DYNLRB2: variants seen among roughly 807,000 people sequenced by gnomAD.
The protein encoded by DYNLRB2 is bithoraxoid-like protein.
A neutral mutation model predicts 12.6 loss-of-function variants in DYNLRB2; 14 were observed. The observed-to-expected ratio is 1.11, with a 90% confidence interval of 0.73 to 1.73. The LOEUF (loss-of-function observed/expected upper bound fraction) is 1.73, where lower values mean the gene tolerates loss of function less well. DYNLRB2 is among the 40% of genes most tolerant of loss of function. The probability of loss-of-function intolerance (pLI) is 0.00; values close to 1 mark genes in which losing one functional copy is unlikely to be tolerated. For missense variants in DYNLRB2, 142 were observed against 117.7 expected (o/e 1.21, Z -0.95); for synonymous variants, 53 against 37.0 (o/e 1.43, Z -1.57).
At chr16:80,545,048 T>C (rs1425660163) in intron 2 of DYNLRB2, among the ~76,000 whole-genome samples, 2 of 152,148 alleles carry the variant, frequency 1.3e-5, no homozygotes, top group African/African-American at 4.8e-5. Context: ...TTGGGGGGTC[T>C]AGGGGGACAC....
intron 2 of DYNLRB2, among the ~76,000 whole-genome samples, chr16:80,546,251 A>G (rs1350718382): frequency 6.6e-6 from 1 of 152,236 alleles, no homozygotes. Context: ...TGAAAGCATC[A>G]TTTATTTCAG....
chr16:80,547,791 A>G, intron 2 of DYNLRB2: 3 of 456,698 alleles, frequency 6.6e-6, no homozygotes, highest in Non-Finnish European at 1.3e-5. Flanking sequence ...TATGCAAGAC[A>G]GCTGACTGCC....
intron 3 of DYNLRB2, 78 bp downstream of exon 3, chr16:80,549,729 A>G (rs1171596160): frequency 2.1e-6 from 3 of 1,396,648 alleles, no homozygotes; most frequent in African/African-American, 2.9e-5. Context: ...ATGAATGGTA[A>G]GTACAGATTT....
chr16:80,543,415 T>C (rs1258321105), intron 2 of DYNLRB2, 64 bp downstream of exon 2: 3 of 1,530,804 alleles, frequency 2.0e-6, no homozygotes, highest in East Asian at 2.3e-5. Flanking sequence ...TTTGCCGTGT[T>C]AGTCCTTAAG....
chr16:80,549,722 A>T (rs1904722833), intron 3 of DYNLRB2, 71 bp downstream of exon 3: 1 of 1,433,352 alleles, frequency 7.0e-7, no homozygotes, highest in Non-Finnish European at 9.5e-7. Context: ...TGTTTCTATG[A>T]ATGGTAAGTA....
At chr16:80,549,192 T>C (rs1279469061) in intron 2 of DYNLRB2, 2 of 354,412 alleles carry the variant, frequency 5.6e-6, no homozygotes, top group Non-Finnish European at 1.1e-5. Flanking sequence ...AAGTATGCAG[T>C]TATTAAAAAT....
chr16:80,547,772 A>C (rs1567518201), intron 2 of DYNLRB2: 1 of 456,626 alleles, frequency 2.2e-6, no homozygotes, highest in East Asian at 6.9e-5. Flanking sequence ...ACGCTTTGTG[A>C]CCTTCAAGTA....
chr16:80,542,563 G>C (rs559869903), intron 1 of DYNLRB2, among the ~76,000 whole-genome samples: 1 of 152,280 alleles, frequency 6.6e-6, no homozygotes, highest in Admixed American at 6.5e-5. Context: ...TTGCAGGTTT[G>C]GAAAAGATCG....
chr16:80,547,557 C>G (rs2142312580), intron 2 of DYNLRB2, among the ~76,000 whole-genome samples: 1 of 152,266 alleles, frequency 6.6e-6, no homozygotes, highest in East Asian at 1.9e-4. Context: ...CATGAACAGA[C>G]TAAATAGACC....
chr16:80,548,402 T>G (rs1350003821), intron 2 of DYNLRB2, among the ~76,000 whole-genome samples: 1 of 152,188 alleles, frequency 6.6e-6, no homozygotes, highest in Non-Finnish European at 1.5e-5. Context: ...ATTTTCCACT[T>G]AATAGTTTCT....
Position 80,545,949 on chromosome 16 carries a change from G to A in DYNLRB2, c.79+2598G>A, listed in dbSNP as rs76853067. On this transcript the variant is annotated intron_variant, in intron 2 of 3. Coordinates refer to ENST00000305904, the MANE Select transcript of DYNLRB2 (RefSeq NM_130897.3). Reference sequence around the variant, plus strand: ...CTCCCAAAGTGCTGGGATTACAGGCGTGAGCCACCACGCCCAGCCTTCAAT... The same window carrying A: ...CTCCCAAAGTGCTGGGATTACAGGCATGAGCCACCACGCCCAGCCTTCAAT... Among the ~76,000 whole-genome samples the A allele has an allele frequency of 5.1e-3, 770 of 151,826 alleles. 36 individuals carry two copies. In the East Asian group the frequency reaches 0.11, roughly 23 times the overall value.
At chr16:80,548,077 A>G (rs7190759) in intron 2 of DYNLRB2, 166,401 of 250,706 alleles carry the variant, frequency 0.66, 59,362 homozygotes, top group East Asian at 0.84. Context: ...CTGGACCCAC[A>G]TTCTCTGAAG....
At chr16:80,544,176 G>T (rs1025234164) in intron 2 of DYNLRB2, among the ~76,000 whole-genome samples, 1 of 152,182 alleles carries the variant, frequency 6.6e-6, no homozygotes, top group South Asian at 2.1e-4. Context: ...CCAACTGAAA[G>T]TCTGCTTAAA....
chr16:80,544,580 A>G (rs568352326), intron 2 of DYNLRB2: 3 of 152,358 alleles, frequency 2.0e-5, no homozygotes, highest in South Asian at 2.1e-4. Flanking sequence ...ACTCTGCCAC[A>G]GCTCCGAAGA....
intron 3 of DYNLRB2, 115 bp from the exon 4 acceptor site, chr16:80,550,400 A>G: frequency 5.8e-6 from 7 of 1,211,502 alleles, no homozygotes; most frequent in Non-Finnish European, 8.4e-6. Context: ...AGGGTGGGAA[A>G]CCATCTGTCT....
intron 3 of DYNLRB2, 116 bp downstream of exon 3, chr16:80,549,767 T>C (rs11863816): frequency 0.22 from 230,786 of 1,069,256 alleles, 26,753 homozygotes; most frequent in Middle Eastern, 0.31. Context: ...CATAATATTC[T>C]TCTATTACAA....
intron 2 of DYNLRB2, among the ~76,000 whole-genome samples, 191 bp downstream of exon 2, chr16:80,543,542 G>A (rs775925620): frequency 3.9e-5 from 6 of 152,190 alleles, no homozygotes; most frequent in Admixed American, 1.3e-4. Flanking sequence ...AAGATCTGGG[G>A]GCATAAATAT....
Position 80,550,522 on chromosome 16 carries a change from A to G in DYNLRB2, c.255A>G (p.Glu85=). 1 of 1,614,184 alleles carries G rather than the reference A, an allele frequency of 6.2e-7. No homozygotes were observed. The highest frequency in any genetic ancestry group is 8.5e-7 in the Non-Finnish European group (1 of 1,180,012). ...KHEIMVAPDK[E]YLLIVIQNPC... ...TTATCCATCTCTCCATAGATAAGGAATATCTTCTGATCGTCATTCAGAATC... is the reference window on the plus strand; with the variant it reads ...TTATCCATCTCTCCATAGATAAGGAGTATCTTCTGATCGTCATTCAGAATC... The change falls in exon 4 of 4, where the codon GAA becomes GAG. Residue 85 remains glutamate (E), a synonymous_variant. Coordinates refer to ENST00000305904, the MANE Select transcript of DYNLRB2 (RefSeq NM_130897.3).
At chr16:80,543,833 A>G (rs561147367) in intron 2 of DYNLRB2, among the ~76,000 whole-genome samples, 1 of 152,204 alleles carries the variant, frequency 6.6e-6, no homozygotes, top group African/African-American at 2.4e-5. Flanking sequence ...GTCTTTGTGG[A>G]TATAGCATAA....
Sources: allele counts gnomAD v4.1 joint callset (sites outside exome capture counted in the v4.1 genomes callset), GRCh38; gene constraint gnomAD v4.1.1; transcripts MANE v1.5; gene names NCBI Gene and HGNC (gene_info 2026-07-23, HGNC 2026-07-21).